PDE1C: variants seen among roughly 807,000 people sequenced by gnomAD.
The protein encoded by PDE1C is dual specificity calcium/calmodulin-dependent 3',5'-cyclic nucleotide phosphodiesterase 1C.
In PDE1C, 62 loss-of-function variants were observed where a neutral mutation model predicts 93.1. That is an observed-to-expected ratio of 0.67 (90% CI 0.54 to 0.82). The LOEUF (loss-of-function observed/expected upper bound fraction) is 0.82, where lower values mean the gene tolerates loss of function less well. Ranked by LOEUF, PDE1C falls within the 40% of genes least tolerant of loss-of-function variation. The pLI is 0.00. For synonymous variants in PDE1C, 325 were observed against 310.1 expected (o/e 1.05, Z -0.50); for missense variants, 742 against 884.6 (o/e 0.84, Z 2.04).
the PDE1C span, among the ~76,000 whole-genome samples, chr7:31,714,581 G>T: frequency 2.6e-5 from 4 of 152,172 alleles, no homozygotes; most frequent in Admixed American, 1.3e-4. Context: ...TACTGATAAA[G>T]ACATACCCAA....
At chr7:31,765,413 A>G (rs967669956) in intron 17 of PDE1C, among the ~76,000 whole-genome samples, 2 of 152,076 alleles carry the variant, frequency 1.3e-5, no homozygotes, top group Admixed American at 6.5e-5. Flanking sequence ...AGTTGTTTCA[A>G]TGGAGAATCA....
At chr7:32,095,261 C>G (rs1176761361) in intron 3 of PDE1C, among the ~76,000 whole-genome samples, 1 of 152,208 alleles carries the variant, frequency 6.6e-6, no homozygotes, top group African/African-American at 2.4e-5. Context: ...AACCAGACAT[C>G]CCATCAGTGG....
chr7:32,068,043 C>T (rs1795610327), intron 1 of PDE1C, among the ~76,000 whole-genome samples: 1 of 152,162 alleles, frequency 6.6e-6, no homozygotes, highest in African/African-American at 2.4e-5. Context: ...AGTTGATGAT[C>T]ACATCCTGAA....
At chr7:32,101,191 C>A (rs1388218108) in intron 3 of PDE1C, among the ~76,000 whole-genome samples, 3 of 152,194 alleles carry the variant, frequency 2.0e-5, no homozygotes, top group Non-Finnish European at 4.4e-5. Context: ...GATGTGACAT[C>A]AACCAGCAAA....
intron 1 of PDE1C, among the ~76,000 whole-genome samples, chr7:32,265,567 G>T (rs564726283): frequency 2.8e-4 from 42 of 152,300 alleles, no homozygotes; most frequent in Non-Finnish European, 4.0e-4. Context: ...GGGAACAAAC[G>T]TTGAGGGCAT....
intron 1 of PDE1C, among the ~76,000 whole-genome samples, chr7:32,252,728 T>G (rs1809481805): frequency 6.6e-6 from 1 of 152,232 alleles, no homozygotes. Flanking sequence ...GCTCAAACTA[T>G]GTATTTGCAA....
intron 9 of PDE1C, among the ~76,000 whole-genome samples, chr7:31,846,799 T>C (rs1341911087): frequency 6.6e-6 from 1 of 152,140 alleles, no homozygotes; most frequent in Non-Finnish European, 1.5e-5. Flanking sequence ...GTGCAATGAT[T>C]AATTGAATTG....
chr7:31,624,549 T>C, the PDE1C span, among the ~76,000 whole-genome samples: 1 of 130,402 alleles, frequency 7.7e-6, no homozygotes, highest in Non-Finnish European at 1.6e-5. Flanking sequence ...TAAATGGTGC[T>C]GGGAAAACTG....
intron 2 of PDE1C, among the ~76,000 whole-genome samples, chr7:32,022,750 T>C (rs1392487638): frequency 6.6e-6 from 1 of 151,900 alleles, no homozygotes; most frequent in Non-Finnish European, 1.5e-5. Flanking sequence ...CCTCTATCTC[T>C]GAAAAGGACC....
At chr7:32,373,901 C>G (rs752573909) in intron 1 of PDE1C, among the ~76,000 whole-genome samples, 1 of 152,042 alleles carries the variant, frequency 6.6e-6, no homozygotes, top group Non-Finnish European at 1.5e-5. Context: ...GCAGGAGAAT[C>G]ACTTGAACCC....
At chr7:32,289,097 T>G (rs2128896107) in intron 1 of PDE1C, among the ~76,000 whole-genome samples, 1 of 152,098 alleles carries the variant, frequency 6.6e-6, no homozygotes, top group East Asian at 1.9e-4. Flanking sequence ...CAAACAAGAT[T>G]CAGAAAGGTA....
At chr7:32,205,701 C>T (rs1310515676) in intron 2 of PDE1C, among the ~76,000 whole-genome samples, 18 of 152,290 alleles carry the variant, frequency 1.2e-4, no homozygotes, top group Middle Eastern at 3.4e-3. Context: ...TTTAGGTCTG[C>T]ACTACCTTTA....
intron 2 of PDE1C, among the ~76,000 whole-genome samples, chr7:31,944,525 C>T (rs184940851): frequency 3.3e-5 from 5 of 152,226 alleles, no homozygotes; most frequent in Non-Finnish European, 4.4e-5. Flanking sequence ...CCACCCTTCT[C>T]TGGCACAAAA....
At chr7:32,377,309 C>T (rs971763066) in intron 1 of PDE1C, among the ~76,000 whole-genome samples, 2 of 152,198 alleles carry the variant, frequency 1.3e-5, no homozygotes, top group Non-Finnish European at 2.9e-5. Context: ...AGCATTGATG[C>T]TTCCCTCTGT....
chr7:32,113,700 T>C (rs1584787778), intron 3 of PDE1C, among the ~76,000 whole-genome samples: 1 of 152,274 alleles, frequency 6.6e-6, no homozygotes, highest in Middle Eastern at 3.4e-3. Flanking sequence ...GTAGTCGTTT[T>C]TCCCTACTCA....
chr7:32,398,371 A>C, intron 1 of PDE1C, among the ~76,000 whole-genome samples: 1 of 151,550 alleles, frequency 6.6e-6, no homozygotes, highest in East Asian at 1.9e-4. Context: ...GATTTCCAAG[A>C]TCACTTGGTA....
chr7:31,914,272 TG>T (rs2128944799), intron 2 of PDE1C, among the ~76,000 whole-genome samples: 1 of 152,312 alleles, frequency 6.6e-6, no homozygotes, highest in South Asian at 2.1e-4. Flanking sequence ...AAGATTATCA[TG>T]GGAAAACTCT....
At chr7:31,889,688 A>G (rs1247435020) in intron 2 of PDE1C, among the ~76,000 whole-genome samples, 1 of 152,196 alleles carries the variant, frequency 6.6e-6, no homozygotes, top group Non-Finnish European at 1.5e-5. Flanking sequence ...GTGTGTCCAA[A>G]GTGAGTGTGT....
chr7:31,938,513 ACT>A (rs1805392701), intron 2 of PDE1C, among the ~76,000 whole-genome samples: 1 of 152,104 alleles, frequency 6.6e-6, no homozygotes, highest in Non-Finnish European at 1.5e-5. Flanking sequence ...CCTGATATTT[ACT>A]CTTAGAATAC....
Sources: allele counts gnomAD v4.1 joint callset (sites outside exome capture counted in the v4.1 genomes callset), GRCh38; gene constraint gnomAD v4.1.1; transcripts MANE v1.5; gene names NCBI Gene and HGNC (gene_info 2026-07-23, HGNC 2026-07-21).